HIKESHI: variants seen among roughly 807,000 people sequenced by gnomAD.
HIKESHI encodes the protein protein Hikeshi.
In HIKESHI, 13 loss-of-function variants were observed where a neutral mutation model predicts 25.7. The ratio of observed to expected loss-of-function variants is 0.51; its 90% CI spans 0.33 to 0.80. HIKESHI has a LOEUF of 0.80. HIKESHI is among the 30% of genes least tolerant of loss of function. The pLI is 0.02. For missense variants in HIKESHI, 174 were observed against 229.5 expected (o/e 0.76, Z 1.56); for synonymous variants, 76 against 78.7 (o/e 0.97, Z 0.18).
At chr11:86,328,376 A>G (rs1427975272) in intron 2 of HIKESHI, among the ~76,000 whole-genome samples, 1 of 151,458 alleles carries the variant, frequency 6.6e-6, no homozygotes, top group African/African-American at 2.4e-5. Flanking sequence ...CTTATGCCTC[A>G]GCTTCCTGAG....
intron 2 of HIKESHI, among the ~76,000 whole-genome samples, chr11:86,315,476 A>G (rs1219117276): frequency 6.6e-6 from 1 of 152,122 alleles, no homozygotes; most frequent in Non-Finnish European, 1.5e-5. Context: ...GCACACCACC[A>G]TGCCCGGCTA....
At chr11:86,308,036 A>G (rs1364025408) in intron 2 of HIKESHI, among the ~76,000 whole-genome samples, 10 of 124,832 alleles carry the variant, frequency 8.0e-5, no homozygotes, top group African/African-American at 3.2e-4. Flanking sequence ...TAAATATATA[A>G]TTATATATAA....
intron 2 of HIKESHI, among the ~76,000 whole-genome samples, chr11:86,317,496 G>C (rs1947018728): frequency 6.6e-6 from 1 of 152,174 alleles, no homozygotes; most frequent in African/African-American, 2.4e-5. Flanking sequence ...CTGATGAAAA[G>C]ATGAGCCTCT....
chr11:86,310,124 G>C (rs2138307122), intron 2 of HIKESHI, among the ~76,000 whole-genome samples: 1 of 147,568 alleles, frequency 6.8e-6, no homozygotes, highest in Non-Finnish European at 1.5e-5. Context: ...TAGCTTGATG[G>C]GGATGGCATT....
Position 86,345,591 on chromosome 11 carries a change from A to C in HIKESHI, c.547A>C (p.Asn183His). Residue 183 changes from asparagine (N) to histidine (H), a missense_variant, in exon 5 of 5, where the codon AAC becomes CAC. Physicochemically the swap from Asn to His is moderately conservative, Grantham distance 68. Coordinates refer to ENST00000278483, the MANE Select transcript of HIKESHI (RefSeq NM_016401.4). ...ATGTGTTTTCTTTTCTAGGTATGAA[A>C]ACTTTCAAAGACGACTAGCACAGAA... ...PANVVLKWYE[N>H]FQRRLAQNPL... is the part of the protein sequence containing the mutation. The C allele has an allele frequency of 6.5e-7, 1 of 1,545,900 alleles. No individual in the cohort carries two copies. The highest frequency in any genetic ancestry group is 8.8e-7 in the Non-Finnish European group (1 of 1,133,022).
At chr11:86,318,631 A>C (rs542022973) in intron 2 of HIKESHI, among the ~76,000 whole-genome samples, 2 of 152,252 alleles carry the variant, frequency 1.3e-5, no homozygotes, top group African/African-American at 4.8e-5. Context: ...AATAGTTACA[A>C]AGTAAATTGA....
chr11:86,312,532 T>G (rs1321877756), intron 2 of HIKESHI, among the ~76,000 whole-genome samples: 1 of 127,164 alleles, frequency 7.9e-6, no homozygotes, highest in Admixed American at 7.4e-5. Context: ...CCTGTGTCTT[T>G]TAATTGGAGC....
chr11:86,344,471 T>C (rs1341172915), intron 3 of HIKESHI, 132 bp from the exon 4 acceptor site: 9 of 548,388 alleles, frequency 1.6e-5, no homozygotes, highest in Non-Finnish European at 2.8e-5. Flanking sequence ...CCCAGCCAGC[T>C]TTCAGCATTA....
At chr11:86,308,613 A>C (rs1946748555) in intron 2 of HIKESHI, among the ~76,000 whole-genome samples, 1 of 131,702 alleles carries the variant, frequency 7.6e-6, no homozygotes, top group Admixed American at 7.9e-5. Flanking sequence ...GTACATGTGC[A>C]GAACGTGCAG....
chr11:86,322,783 A>C lies in HIKESHI; in HGVS notation c.269-14596A>C, dbSNP rs1481652331. Among the ~76,000 whole-genome samples, 3 of 151,178 alleles carry C rather than the reference A, an allele frequency of 2.0e-5. No homozygotes were observed. The East Asian group carries it at 5.8e-4, about 29-fold the overall frequency. On this transcript the variant is annotated intron_variant, in intron 2 of 4. Transcript: ENST00000278483. The stretch of plus-strand genomic sequence containing the variant: ...TTGAATTAAATTTAATATTTATTGC[A>C]AGGAATCTGTCAAAAAAATTTTTTT...
chr11:86,317,334 C>CA (rs1947014570), intron 2 of HIKESHI, among the ~76,000 whole-genome samples: 1 of 150,826 alleles, frequency 6.6e-6, no homozygotes, highest in South Asian at 2.1e-4. Flanking sequence ...AAAACAGAAA[C>CA]AAAAAAATGT....
At chr11:86,308,668 C>T (rs953181487) in intron 2 of HIKESHI, among the ~76,000 whole-genome samples, 3 of 151,508 alleles carry the variant, frequency 2.0e-5, no homozygotes, top group South Asian at 2.1e-4. Context: ...GTGCTGCACC[C>T]GTTAACTCGT....
chr11:86,318,973 A>G lies in HIKESHI; in HGVS notation c.268+12491A>G, dbSNP rs76056719. On this transcript the variant is annotated intron_variant, in intron 2 of 4. Coordinates refer to ENST00000278483, the MANE Select transcript of HIKESHI (RefSeq NM_016401.4). ...ACTCTGTTTTCCAGGCTGGAGTGCA[A>G]TGTCCACATTATAGCTCACTATAGC... 6.5e-3 allele frequency among the ~76,000 whole-genome samples: 987 copies of G among 152,120 alleles called. 14 individuals are homozygous for G. Among genetic ancestry groups the G allele is most frequent in the East Asian group, 0.035 (182 of 5,182 alleles).
intron 3 of HIKESHI, 74 bp from the exon 4 acceptor site, chr11:86,344,529 A>T (rs1593883870): frequency 1.1e-6 from 1 of 891,218 alleles, no homozygotes; most frequent in South Asian, 1.9e-5. Flanking sequence ...ATGTGAGAAC[A>T]CTTTTAATTT....
intron 1 of HIKESHI, among the ~76,000 whole-genome samples, chr11:86,305,799 G>A (rs888746060): frequency 6.6e-6 from 1 of 151,928 alleles, no homozygotes; most frequent in African/African-American, 2.4e-5. Flanking sequence ...GGAGTGCAAT[G>A]GTATGGTCTC....
At chr11:86,344,406 G>A (rs1947815289) in intron 3 of HIKESHI, 197 bp from the exon 4 acceptor site, 1 of 436,436 alleles carries the variant, frequency 2.3e-6, no homozygotes, top group Non-Finnish European at 4.1e-6. Context: ...GGCCTCAAGT[G>A]ATTCTCCTGC....
intron 2 of HIKESHI, among the ~76,000 whole-genome samples, chr11:86,325,068 C>G (rs1265661252): frequency 6.6e-6 from 1 of 151,706 alleles, no homozygotes; most frequent in Non-Finnish European, 1.5e-5. Context: ...AGTCCCACTA[C>G]TTGGGAGGCT....
intron 3 of HIKESHI, among the ~76,000 whole-genome samples, chr11:86,339,306 C>A (rs1300186549): frequency 1.3e-5 from 2 of 152,192 alleles, no homozygotes; most frequent in African/African-American, 4.8e-5. Context: ...CCTTGGCCTC[C>A]CAAAGTGCTG....
At chr11:86,318,650 A>T (rs1273109698) in intron 2 of HIKESHI, among the ~76,000 whole-genome samples, 2 of 152,124 alleles carry the variant, frequency 1.3e-5, no homozygotes, top group South Asian at 2.1e-4. Flanking sequence ...GAAGTTATTT[A>T]AAAAATTTTT....
Sources: allele counts gnomAD v4.1 joint callset (sites outside exome capture counted in the v4.1 genomes callset), GRCh38; gene constraint gnomAD v4.1.1; transcripts MANE v1.5; gene names NCBI Gene and HGNC (gene_info 2026-07-23, HGNC 2026-07-21).